Variants in DMXL2 observed in about 807,000 individuals in gnomAD.
The protein encoded by DMXL2 is Dmx like 2, also known as dmX-like protein 2.
In DMXL2, 103 loss-of-function variants were observed where a neutral mutation model predicts 331.1. The observed-to-expected ratio is 0.31, with a 90% CI of 0.27 to 0.37. DMXL2 has a LOEUF of 0.37. DMXL2 is among the 10% of genes least tolerant of loss of function. DMXL2 has a pLI of 1.00. For synonymous variants in DMXL2, 1,281 were observed against 1,252.1 expected, an observed-to-expected ratio of 1.02 and a Z score of -0.49; for missense variants, 3,171 against 3,642.9, an observed-to-expected ratio of 0.87 and a Z score of 3.33.
At chr15:51,481,913 A>T (rs1366359384) in intron 23 of DMXL2, among the ~76,000 whole-genome samples, 1 of 152,214 alleles carries the variant, frequency 6.6e-6, no homozygotes, top group Non-Finnish European at 1.5e-5. Flanking sequence ...TATCTAAGAC[A>T]GTGAAGAGGA....
intron 1 of DMXL2, among the ~76,000 whole-genome samples, chr15:51,601,226 G>C (rs1364725161): frequency 1.4e-5 from 2 of 144,918 alleles, no homozygotes; most frequent in East Asian, 4.1e-4. Flanking sequence ...GGGAGGCGGA[G>C]CTTGCAGTGA....
chr15:51,558,290 G>A (rs550788323), intron 6 of DMXL2, among the ~76,000 whole-genome samples: 1 of 152,118 alleles, frequency 6.6e-6, no homozygotes, highest in South Asian at 2.1e-4. Flanking sequence ...AGTATATTTC[G>A]TGTGATCATT....
Position 51,547,393 on chromosome 15 carries a change from T to A in DMXL2, c.583A>T (p.Lys195Ter), listed in dbSNP as rs2140942776. The change falls in exon 7 of 44, where the codon AAA becomes TAA. Residue 195 changes from lysine (K) to a stop codon, truncating the protein, a stop_gained. Coordinates refer to ENST00000560891, the MANE Select transcript of DMXL2 (RefSeq NM_001378457.1). LOFTEE classifies it high-confidence loss of function. Reference sequence around the variant, plus strand: ...CAACCAGTCATAGGATACCACACTTTCAAAAGACAATCATCCTGAAAAATA... The same window carrying A: ...CAACCAGTCATAGGATACCACACTTACAAAAGACAATCATCCTGAAAAATA... ...ATAGKDDCLL[K>*]VWYPMTGWKS... 6.3e-7 allele frequency: 1 copy of A among 1,585,314 alleles called. No individual in the cohort carries two copies. Among genetic ancestry groups the A allele is most frequent in the South Asian group, 1.2e-5 (1 of 85,624 alleles).
chr15:51,509,190 T>G (rs372753061), intron 15 of DMXL2, among the ~76,000 whole-genome samples: 4 of 151,344 alleles, frequency 2.6e-5, no homozygotes, highest in African/African-American at 9.7e-5. Context: ...CAGAGAAACT[T>G]CTTTAAAAAA....
Position 51,455,355 on chromosome 15 carries a change from G to A in DMXL2, c.8527-127C>T, listed in dbSNP as rs545176641. The A allele has an allele frequency of 2.7e-5, 22 of 809,130 alleles. 1 individual carries two copies. The South Asian group carries it at 3.7e-4, about 13-fold the overall frequency. 50.1% of individuals were successfully genotyped at this position (809,130 alleles called of 1,614,324 possible). A position where few individuals can be genotyped will look rare whatever the true frequency, so the allele number is the denominator to read the frequency against. On this transcript the variant is annotated intron_variant, in intron 39 of 43. Coordinates refer to ENST00000560891, the MANE Select transcript of DMXL2 (RefSeq NM_001378457.1). ...TGCCTCTAACTATGTTTCTGTTGCT[G>A]TCATTCCCAAAAAGTCCAAGTGCTA...
At chr15:51,506,880 A>C (rs2046435220) in intron 16 of DMXL2, among the ~76,000 whole-genome samples, 1 of 152,174 alleles carries the variant, frequency 6.6e-6, no homozygotes, top group Non-Finnish European at 1.5e-5. Context: ...CACTCAATAA[A>C]TATTCACTGA....
At chr15:51,514,794 T>C (rs575531763) in intron 14 of DMXL2, among the ~76,000 whole-genome samples, 4 of 142,732 alleles carry the variant, frequency 2.8e-5, no homozygotes, top group South Asian at 4.4e-4. Context: ...AGAGCTCTAG[T>C]ACAAACAAAT....
At chr15:51,612,840 G>A (rs1397039095) in intron 1 of DMXL2, among the ~76,000 whole-genome samples, 2 of 152,192 alleles carry the variant, frequency 1.3e-5, no homozygotes, top group Admixed American at 1.3e-4. Context: ...AGCACTAAGG[G>A]AGACCAGGGC....
intron 1 of DMXL2, among the ~76,000 whole-genome samples, chr15:51,589,003 T>C (rs760489158): frequency 1.1e-4 from 16 of 152,172 alleles, no homozygotes; most frequent in Non-Finnish European, 1.9e-4. Flanking sequence ...GCAGGCACAG[T>C]ATGTTCTTTA....
At chr15:51,466,402 A>G (rs900002158) in intron 29 of DMXL2, 91 bp from the exon 30 acceptor site, 1 of 422,214 alleles carries the variant, frequency 2.4e-6, no homozygotes, top group Non-Finnish European at 3.4e-6. Context: ...TATATTTAAT[A>G]TAGAAAATAT....
chr15:51,541,745 T>G (rs559611649), intron 9 of DMXL2, among the ~76,000 whole-genome samples: 3 of 152,290 alleles, frequency 2.0e-5, no homozygotes, highest in African/African-American at 7.2e-5. Flanking sequence ...TACATTTCCA[T>G]GTAGAAGGAA....
At chr15:51,596,669 C>G (rs1344547165) in intron 1 of DMXL2, among the ~76,000 whole-genome samples, 2 of 152,150 alleles carry the variant, frequency 1.3e-5, no homozygotes, top group Non-Finnish European at 2.9e-5. Context: ...TTGGAACCAA[C>G]CCAAATGTCC....
intron 6 of DMXL2, among the ~76,000 whole-genome samples, chr15:51,559,087 C>T (rs924213534): frequency 2.0e-5 from 3 of 152,030 alleles, no homozygotes; most frequent in Non-Finnish European, 2.9e-5. Flanking sequence ...TAGGAAAACC[C>T]TCAGAATCTC....
rs1555409080 is a variant in DMXL2 at position 51,448,980 on chromosome 15, A to AT, written c.*3dup. On this transcript the variant is annotated 3_prime_UTR_variant, in exon 44 of 44. Coordinates refer to ENST00000560891, the MANE Select transcript of DMXL2 (RefSeq NM_001378457.1). ...AAATGTATATAAAAATAAAACCCCA[A>AT]TCTTTATAGAATGTCAAGAATTCTG... 1.5e-5 allele frequency: 24 copies of AT among 1,613,772 alleles called. No homozygotes were observed. The highest frequency in any genetic ancestry group is 2.0e-5 in the Non-Finnish European group (24 of 1,179,926).
At chr15:51,471,077 C>T in intron 29 of DMXL2, 146 bp downstream of exon 29, 1 of 664,982 alleles carries the variant, frequency 1.5e-6, no homozygotes, top group Non-Finnish European at 2.4e-6. Context: ...TATGACTATT[C>T]AGTTTCTGGA....
chr15:51,521,515 T>C (rs1330556095), intron 13 of DMXL2, among the ~76,000 whole-genome samples: 11 of 151,412 alleles, frequency 7.3e-5, no homozygotes, highest in African/African-American at 2.7e-4. Flanking sequence ...GTTAAATAAC[T>C]TTCCCAGCTG....
intron 2 of DMXL2, among the ~76,000 whole-genome samples, chr15:51,572,119 C>G (rs992297574): frequency 6.6e-6 from 1 of 152,116 alleles, no homozygotes; most frequent in Non-Finnish European, 1.5e-5. Context: ...AATGATCCCA[C>G]AGAAACACAA....
At chr15:51,550,054 A>G (rs375946457) in intron 6 of DMXL2, among the ~76,000 whole-genome samples, 3 of 152,334 alleles carry the variant, frequency 2.0e-5, no homozygotes, top group African/African-American at 4.8e-5. Context: ...TGAATCCAAC[A>G]GCATATCAAA....
chr15:51,594,443 A>T (rs1296235455), intron 1 of DMXL2, among the ~76,000 whole-genome samples: 1 of 152,088 alleles, frequency 6.6e-6, no homozygotes, highest in Admixed American at 6.6e-5. Context: ...AACCAAAAAA[A>T]TCCAGGACCA....
Sources: gnomAD v4.1 joint callset for allele counts (sites outside exome capture counted in the v4.1 genomes callset) on GRCh38, gnomAD v4.1.1 for gene constraint, MANE v1.5 for transcripts, NCBI Gene and HGNC (gene_info 2026-07-23, HGNC 2026-07-21) for gene names.